ELF5: variants seen among roughly 807,000 people sequenced by gnomAD.
The protein encoded by ELF5 is E74 like ETS transcription factor 5.
Under a neutral mutation model 38.2 loss-of-function variants are expected in ELF5, and 31 were observed. The ratio of observed to expected loss-of-function variants is 0.81; its 90% CI spans 0.61 to 1.10. The LOEUF is 1.10. Among genes scored for constraint, ELF5 ranks in the 50% least tolerant of loss-of-function variants. ELF5 has a pLI of 0.00. For synonymous variants in ELF5, 121 were observed against 112.5 expected (o/e 1.08, Z -0.48); for missense variants, 300 against 306.6 (o/e 0.98, Z 0.16).
At chr11:34,488,854 G>T (rs1391022010) in intron 4 of ELF5, among the ~76,000 whole-genome samples, 1 of 152,188 alleles carries the variant, frequency 6.6e-6, no homozygotes, top group Non-Finnish European at 1.5e-5. Flanking sequence ...TGTCTCCCAG[G>T]CTTCACAGGC....
chr11:34,507,627 C>G (rs1850641262), intron 1 of ELF5, among the ~76,000 whole-genome samples: 1 of 152,180 alleles, frequency 6.6e-6, no homozygotes, highest in Non-Finnish European at 1.5e-5. Context: ...TTGCTGCTTC[C>G]CATGTTCCCA....
chr11:34,491,256 T>C (rs559347437), intron 3 of ELF5, among the ~76,000 whole-genome samples: 1 of 152,308 alleles, frequency 6.6e-6, no homozygotes, highest in East Asian at 1.9e-4. Context: ...CGATGTCTCC[T>C]GGGCAAATGG....
chr11:34,511,541 T>A (rs1247553563), intron 1 of ELF5: 1 of 1,614,070 alleles, frequency 6.2e-7, no homozygotes, highest in Admixed American at 1.7e-5. Flanking sequence ...TGGCTGCAGG[T>A]ACCTGTGGGA....
intron 3 of ELF5, chr11:34,492,947 G>A: frequency 5.8e-6 from 1 of 171,288 alleles, no homozygotes; most frequent in East Asian, 1.5e-4. Context: ...AACCTTTCTG[G>A]ATTGAAAAAA....
At chr11:34,505,811 T>A (rs1850602661) in intron 1 of ELF5, 58 bp from the exon 2 acceptor site, 1 of 1,556,856 alleles carries the variant, frequency 6.4e-7, no homozygotes, top group Non-Finnish European at 8.7e-7. Context: ...GAAGCCACAC[T>A]GTGCAGGAGC....
At chr11:34,504,250 A>C (rs765786078) in intron 2 of ELF5, among the ~76,000 whole-genome samples, 3 of 152,258 alleles carry the variant, frequency 2.0e-5, no homozygotes, top group Non-Finnish European at 2.9e-5. Flanking sequence ...CCAAAGTTCA[A>C]GGGAAGGAGA....
intron 2 of ELF5, among the ~76,000 whole-genome samples, chr11:34,497,483 A>AATTCT (rs767883441): frequency 6.6e-6 from 1 of 152,230 alleles, no homozygotes; most frequent in Admixed American, 6.5e-5. Flanking sequence ...AGTTTTCAGA[A>AATTCT]ATTCTAGGGG....
At chr11:34,509,109 C>T (rs981274087) in intron 1 of ELF5, among the ~76,000 whole-genome samples, 7 of 152,108 alleles carry the variant, frequency 4.6e-5, no homozygotes, top group Admixed American at 2.0e-4. Context: ...GTGGGCAGAT[C>T]GCTTGAGGTC....
intron 4 of ELF5, among the ~76,000 whole-genome samples, chr11:34,488,681 T>C (rs759751596): frequency 2.6e-5 from 4 of 152,206 alleles, no homozygotes; most frequent in Admixed American, 6.5e-5. Flanking sequence ...CTCTTTCCAT[T>C]GTATTAGCTT....
chr11:34,490,243 G>A (rs1000354143), intron 3 of ELF5, among the ~76,000 whole-genome samples, 184 bp from the exon 4 acceptor site: 1 of 152,168 alleles, frequency 6.6e-6, no homozygotes, highest in African/African-American at 2.4e-5. Flanking sequence ...CCTGAGAGGT[G>A]ATAATTTCCT....
At chr11:34,489,525 G>A (rs1850104501) in intron 4 of ELF5, among the ~76,000 whole-genome samples, 2 of 152,180 alleles carry the variant, frequency 1.3e-5, no homozygotes, top group Non-Finnish European at 2.9e-5. Flanking sequence ...AAACAGGGAA[G>A]GTTAATCATC....
chr11:34,509,743 G>A (rs2467814), intron 1 of ELF5, among the ~76,000 whole-genome samples: 4,357 of 152,246 alleles, frequency 0.029, 214 homozygotes, highest in African/African-American at 0.098. Flanking sequence ...TTAAGTGAGG[G>A]CTGAAGACAA....
Position 34,493,651 on chromosome 11 carries a change from C to T in ELF5, c.183G>A (p.Glu61=), listed in dbSNP as rs776133212. ...ACTGGTCGCAGCAGAACTGGAGCCA[C>T]TCCCACACATGGCGCTTAGTCCAGT... ...PEYWTKRHVW[E]WLQFCCDQYK... Residue 61 remains glutamate, a synonymous_variant, in exon 3 of 7, where the codon GAG becomes GAA. Coordinates refer to ENST00000257832, the MANE Select transcript of ELF5 (RefSeq NM_001422.4). 2 of 1,614,240 alleles carry T rather than the reference C, an allele frequency of 1.2e-6. No homozygotes were observed. Among genetic ancestry groups the T allele is most frequent in the Non-Finnish European group, 1.7e-6 (2 of 1,180,054 alleles).
At chr11:34,481,354 C>T (rs1378519476) in intron 5 of ELF5, among the ~76,000 whole-genome samples, 1 of 152,052 alleles carries the variant, frequency 6.6e-6, no homozygotes, top group East Asian at 1.9e-4. Context: ...AAGAGATGTA[C>T]AATTTCTCAC....
At chr11:34,487,599 A>G (rs1447717592) in intron 4 of ELF5, among the ~76,000 whole-genome samples, 1 of 152,096 alleles carries the variant, frequency 6.6e-6, no homozygotes, top group African/African-American at 2.4e-5. Context: ...TCAGAATGAA[A>G]TCCTAACTCT....
At chr11:34,492,754 C>A (rs193046678) in intron 3 of ELF5, 1 of 153,052 alleles carries the variant, frequency 6.5e-6, no homozygotes, top group Non-Finnish European at 1.5e-5. Flanking sequence ...TTCCGTAGCT[C>A]GGAGTATTGG....
chr11:34,487,812 A>T (rs1347197567), intron 4 of ELF5, among the ~76,000 whole-genome samples: 1 of 152,160 alleles, frequency 6.6e-6, no homozygotes, highest in Non-Finnish European at 1.5e-5. Flanking sequence ...AGCACTTGAA[A>T]TTTGGCTATG....
At chr11:34,503,703 C>T (rs1439958902) in intron 2 of ELF5, among the ~76,000 whole-genome samples, 20 of 152,178 alleles carry the variant, frequency 1.3e-4, no homozygotes, top group Admixed American at 1.3e-3. Flanking sequence ...AATCCTGCCT[C>T]GGCCTTCCAA....
chr11:34,489,585 T>C (rs190325198), intron 4 of ELF5, among the ~76,000 whole-genome samples: 200 of 152,346 alleles, frequency 1.3e-3, no homozygotes, highest in African/African-American at 4.6e-3. Flanking sequence ...AATTATAAAC[T>C]CTACCTGCTT....
Sources: gnomAD v4.1 joint callset for allele counts (sites outside exome capture counted in the v4.1 genomes callset) on GRCh38, gnomAD v4.1.1 for gene constraint, MANE v1.5 for transcripts, NCBI Gene and HGNC (gene_info 2026-07-23, HGNC 2026-07-21) for gene names.